DOK6: variants seen among roughly 807,000 people sequenced by gnomAD.
DOK6 encodes downstream of tyrosine kinase 6.
DOK6 carries 22 observed loss-of-function variants against 44.0 expected under a neutral mutation model. The ratio of observed to expected loss-of-function variants is 0.50; its 90% confidence interval spans 0.36 to 0.71. The LOEUF is 0.71. Among genes scored for constraint, DOK6 ranks in the 30% least tolerant of loss-of-function variants. The pLI, the probability that DOK6 is intolerant of heterozygous loss-of-function variation, is 0.00. For missense variants in DOK6, 340 were observed against 416.4 expected, an observed-to-expected ratio of 0.82 and a Z score of 1.60; for synonymous variants, 166 against 145.5, an observed-to-expected ratio of 1.14 and a Z score of -1.01.
Position 69,422,877 on chromosome 18 carries a change from A to G in DOK6, c.66+21567A>G, listed in dbSNP as rs905484890. Reference sequence around the variant, plus strand: ...CAATTCAGAACTATTTGCAACATCTACCATTGTTACATTTAGATTTTTTAA... The same window carrying G: ...CAATTCAGAACTATTTGCAACATCTGCCATTGTTACATTTAGATTTTTTAA... On this transcript the variant is annotated intron_variant, in intron 1 of 7. Transcript: ENST00000382713. Among the ~76,000 whole-genome samples, 5 of 152,290 alleles carry G rather than the reference A, an allele frequency of 3.3e-5. 1 individual carries two copies. In the South Asian group the frequency reaches 1.0e-3, roughly 32 times the overall value.
chr18:69,503,737 A>G (rs1981108816), intron 1 of DOK6, among the ~76,000 whole-genome samples: 1 of 151,984 alleles, frequency 6.6e-6, no homozygotes, highest in Non-Finnish European at 1.5e-5. Context: ...AAAAAATTTT[A>G]ATTCCAGTTA....
chr18:69,798,130 A>G (rs1030160694), intron 7 of DOK6, among the ~76,000 whole-genome samples: 4 of 152,168 alleles, frequency 2.6e-5, no homozygotes, highest in Non-Finnish European at 5.9e-5. Context: ...ATAAATTGCA[A>G]GGAAAATAAA....
intron 4 of DOK6, among the ~76,000 whole-genome samples, chr18:69,680,456 T>TG (rs776486845): frequency 2.9e-4 from 44 of 152,240 alleles, no homozygotes; most frequent in Non-Finnish European, 5.7e-4. Flanking sequence ...CCCTTTTCTG[T>TG]GTTCCTCTTG....
chr18:69,486,972 C>G (rs142100246), intron 1 of DOK6, among the ~76,000 whole-genome samples: 2 of 152,020 alleles, frequency 1.3e-5, no homozygotes, highest in African/African-American at 4.8e-5. Flanking sequence ...TTTCTTCTTT[C>G]TGTTGTATGT....
At chr18:69,524,889 A>C (rs9989625) in intron 1 of DOK6, among the ~76,000 whole-genome samples, 60,018 of 151,542 alleles carry the variant, frequency 0.4, 12,707 homozygotes, top group Non-Finnish European at 0.47. Flanking sequence ...ATTATTGGAC[A>C]AGTCGACTTT....
chr18:69,833,742 A>G (rs1391919136), intron 7 of DOK6, among the ~76,000 whole-genome samples: 1 of 152,186 alleles, frequency 6.6e-6, no homozygotes, highest in Non-Finnish European at 1.5e-5. Context: ...AAAAATAAGC[A>G]AACTCCTGAA....
intron 5 of DOK6, among the ~76,000 whole-genome samples, chr18:69,736,060 C>T (rs1234916566): frequency 6.6e-6 from 1 of 152,152 alleles, no homozygotes; most frequent in Admixed American, 6.6e-5. Flanking sequence ...CTGTACTTCT[C>T]CCTGGTAGCA....
At chr18:69,413,488 CA>C (rs901528101) in intron 1 of DOK6, among the ~76,000 whole-genome samples, 54 of 152,074 alleles carry the variant, frequency 3.6e-4, no homozygotes, top group Admixed American at 3.5e-3. Context: ...ATATTTTAGG[CA>C]AAGGTGGAAA....
chr18:69,415,426 G>A (rs111820399), intron 1 of DOK6, among the ~76,000 whole-genome samples: 12 of 152,120 alleles, frequency 7.9e-5, no homozygotes, highest in East Asian at 5.8e-4. Context: ...CAATTTCTGC[G>A]TATCATCAAG....
intron 1 of DOK6, among the ~76,000 whole-genome samples, chr18:69,483,392 T>C (rs994747269): frequency 4.0e-5 from 6 of 151,106 alleles, no homozygotes; most frequent in Non-Finnish European, 8.9e-5. Flanking sequence ...ATAAAAGGAG[T>C]AATTGCTGTT....
chr18:69,532,089 T>A lies in DOK6; in HGVS notation c.67-32398T>A, dbSNP rs570917670. ...TGCAAGCCAGAAAGAAGGCCCTCAC[T>A]AAGAACTGAATCTGCTCCGACTTTG... On this transcript the variant is annotated intron_variant, in intron 1 of 7. Coordinates refer to ENST00000382713, the MANE Select transcript of DOK6 (RefSeq NM_152721.6). Among the ~76,000 whole-genome samples, 3 of 152,198 alleles carry A rather than the reference T, an allele frequency of 2.0e-5. No individual in the cohort carries two copies. The East Asian group carries it at 5.8e-4, about 29-fold the overall frequency.
intron 1 of DOK6, among the ~76,000 whole-genome samples, chr18:69,470,492 G>A (rs375745386): frequency 9.5e-4 from 144 of 152,218 alleles, no homozygotes; most frequent in African/African-American, 3.3e-3. Flanking sequence ...AGGCGCACCT[G>A]TTTAGAGCTG....
chr18:69,461,237 G>A (rs766914585), intron 1 of DOK6, among the ~76,000 whole-genome samples: 2 of 152,082 alleles, frequency 1.3e-5, no homozygotes, highest in Non-Finnish European at 2.9e-5. Flanking sequence ...TTTATTAGAA[G>A]CACTTGCAAT....
At chr18:69,619,791 A>G (rs1284046974) in intron 3 of DOK6, among the ~76,000 whole-genome samples, 1 of 152,174 alleles carries the variant, frequency 6.6e-6, no homozygotes, top group Non-Finnish European at 1.5e-5. Context: ...GTGCACCATA[A>G]ACTTATCGTG....
chr18:69,759,468 C>T (rs993060759), intron 7 of DOK6, among the ~76,000 whole-genome samples: 2 of 152,034 alleles, frequency 1.3e-5, no homozygotes, highest in African/African-American at 4.8e-5. Flanking sequence ...GCTCTTAATA[C>T]AAAAAACGTG....
chr18:69,504,231 A>C (rs141981242), intron 1 of DOK6, among the ~76,000 whole-genome samples: 2 of 152,096 alleles, frequency 1.3e-5, no homozygotes, highest in Admixed American at 1.3e-4. Flanking sequence ...ACAAAGATCT[A>C]TCTCTTTGTT....
In DOK6 at chr18:69,760,383, C is replaced by T. The variant is rs529398372; in HGVS notation, c.856+2510C>T. ...CGGTGGCTCATCCCTGTAATCCCAG[C>T]ACTTTGAGAGTTTGATTTTTTTTTC... is the stretch of plus-strand genomic sequence containing the variant. On this transcript the variant is annotated intron_variant, in intron 7 of 7. Coordinates refer to ENST00000382713, the MANE Select transcript of DOK6 (RefSeq NM_152721.6). Among the ~76,000 whole-genome samples the T allele has an allele frequency of 4.7e-4, 72 of 152,228 alleles. No homozygotes were observed. In the South Asian group the frequency reaches 0.014, roughly 29 times the overall value.
rs1982342889 is a variant in DOK6 at position 69,846,290 on chromosome 18, T to C, written c.*4907T>C. 1.3e-5 allele frequency: 2 copies of C among 152,216 alleles called. No homozygotes were observed. The highest frequency in any genetic ancestry group is 6.5e-5 in the Admixed American group (1 of 15,278). 9.4% of individuals were successfully genotyped at this position (152,216 alleles called of 1,614,324 possible). On this transcript the variant is annotated 3_prime_UTR_variant, in exon 8 of 8. Transcript: ENST00000382713. ...GGAGAAAACTGAAACCCATGGATGC[T>C]GTAATTTGTTTAACGGCAAAGAAAG... is the stretch of plus-strand genomic sequence containing the variant.
chr18:69,583,830 T>C (rs1185751334), intron 2 of DOK6, among the ~76,000 whole-genome samples: 2 of 151,818 alleles, frequency 1.3e-5, no homozygotes, highest in African/African-American at 2.4e-5. Context: ...ATATTTGGGC[T>C]GGGCGAGGTG....
Sources: allele counts gnomAD v4.1 joint callset (sites outside exome capture counted in the v4.1 genomes callset), GRCh38; gene constraint gnomAD v4.1.1; transcripts MANE v1.5; gene names NCBI Gene and HGNC (gene_info 2026-07-23, HGNC 2026-07-21).